The following PTPRZ1 variants were observed in gnomAD, a reference collection of about 807,000 sequenced individuals.
The protein encoded by PTPRZ1 is receptor-type tyrosine-protein phosphatase zeta.
In PTPRZ1, 82 loss-of-function variants were observed where a neutral mutation model predicts 214.1. That is an observed-to-expected ratio of 0.38 (90% CI 0.32 to 0.46). PTPRZ1 has a LOEUF of 0.46. Ranked by LOEUF, PTPRZ1 falls within the 20% of genes least tolerant of loss-of-function variation. The pLI is 1.00. For missense variants in PTPRZ1, 2,603 were observed against 2,748.7 expected, an observed-to-expected ratio of 0.95 and a Z score of 1.19; for synonymous variants, 945 against 987.9, an observed-to-expected ratio of 0.96 and a Z score of 0.81.
At chr7:121,977,797 G>A (rs935117088) in intron 6 of PTPRZ1, among the ~76,000 whole-genome samples, 2 of 151,470 alleles carry the variant, frequency 1.3e-5, no homozygotes, top group Non-Finnish European at 2.9e-5. Context: ...CATTGAATGC[G>A]ATAAGTCACA....
intron 2 of PTPRZ1, among the ~76,000 whole-genome samples, chr7:121,941,359 T>C (rs796307642): frequency 6.6e-6 from 1 of 152,210 alleles, no homozygotes; most frequent in South Asian, 2.1e-4. Context: ...TTTGTGTTGT[T>C]TAAGTGATGT....
intron 1 of PTPRZ1, among the ~76,000 whole-genome samples, chr7:121,916,135 G>T (rs1356858462): frequency 1.3e-5 from 2 of 151,962 alleles, no homozygotes; most frequent in Non-Finnish European, 1.5e-5. Context: ...TTAACTGGGC[G>T]TCATGGTGTG....
chr7:121,897,937 T>G (rs2116247713), intron 1 of PTPRZ1, among the ~76,000 whole-genome samples: 1 of 152,312 alleles, frequency 6.6e-6, no homozygotes, highest in East Asian at 1.9e-4. Flanking sequence ...CCCTAAAACC[T>G]TATTATATCA....
At chr7:121,913,714 G>T (rs886917741) in intron 1 of PTPRZ1, among the ~76,000 whole-genome samples, 1 of 151,626 alleles carries the variant, frequency 6.6e-6, no homozygotes, top group Non-Finnish European at 1.5e-5. Context: ...TCTTACCTTA[G>T]CAGGTATGGG....
intron 12 of PTPRZ1, among the ~76,000 whole-genome samples, chr7:122,016,367 C>A (rs1798839581): frequency 6.6e-6 from 1 of 151,910 alleles, no homozygotes. Context: ...CTCATATATA[C>A]TACTGAGCCA....
chr7:122,005,487 A>G (rs529975039), intron 11 of PTPRZ1, among the ~76,000 whole-genome samples: 1 of 152,066 alleles, frequency 6.6e-6, no homozygotes, highest in South Asian at 2.1e-4. Context: ...GGTATAAACT[A>G]TCTTGATATT....
chr7:121,936,343 T>G (rs1265563836), intron 2 of PTPRZ1, among the ~76,000 whole-genome samples: 1 of 152,284 alleles, frequency 6.6e-6, no homozygotes, highest in Non-Finnish European at 1.5e-5. Context: ...TTAGGGATTT[T>G]ATTTCCTTTA....
chr7:121,914,237 A>G (rs1795355902), intron 1 of PTPRZ1, among the ~76,000 whole-genome samples: 1 of 150,438 alleles, frequency 6.6e-6, no homozygotes, highest in Non-Finnish European at 1.5e-5. Flanking sequence ...ATAGGTGTTT[A>G]CCACTGTCTT....
chr7:121,967,973 G>T lies in PTPRZ1; in HGVS notation c.147G>T (p.Trp49Cys). 1 of 1,580,704 alleles carries T rather than the reference G, an allele frequency of 6.3e-7. No homozygotes were observed. The highest frequency in any genetic ancestry group is 1.2e-5 in the South Asian group (1 of 86,558). Reference protein sequence around the residue: ...SYTGALNQKNWGKKYPTCNSP... With the variant: ...SYTGALNQKNCGKKYPTCNSP... ...TAGGAGCACTGAATCAAAAAAATTG[G>T]GGAAAGAAATATCCAACATGTAATA... The change falls in exon 3 of 30, where the codon TGG becomes TGT. Residue 49 changes from tryptophan (W) to cysteine (C), a missense_variant. Around this residue, in one of 6 missense-constraint regions of PTPRZ1, gnomAD observed 141 missense variants for 143.7 expected, o/e 0.98. Coordinates refer to ENST00000393386, the MANE Select transcript of PTPRZ1 (RefSeq NM_002851.3).
At chr7:122,028,733 C>T in intron 14 of PTPRZ1, 90 bp downstream of exon 14, 1 of 975,718 alleles carries the variant, frequency 1.0e-6, no homozygotes, top group Non-Finnish European at 1.6e-6. Context: ...GGACACTATG[C>T]AAATTGCTAT....
chr7:122,026,716 A>G (rs1799216085), intron 13 of PTPRZ1, among the ~76,000 whole-genome samples: 1 of 152,176 alleles, frequency 6.6e-6, no homozygotes, highest in African/African-American at 2.4e-5. Flanking sequence ...TTCTCTCAAT[A>G]TATCTTCTCT....
At chr7:121,961,599 C>G (rs1242449517) in intron 2 of PTPRZ1, among the ~76,000 whole-genome samples, 1 of 152,210 alleles carries the variant, frequency 6.6e-6, no homozygotes, top group Non-Finnish European at 1.5e-5. Flanking sequence ...TGAACTCATG[C>G]GTATCCCCTG....
intron 8 of PTPRZ1, among the ~76,000 whole-genome samples, chr7:121,988,172 A>G (rs998026248): frequency 2.6e-5 from 4 of 152,250 alleles, no homozygotes; most frequent in African/African-American, 9.6e-5. Context: ...TAAAAGTTGA[A>G]GTAAAAATAA....
At chr7:121,953,581 G>A (rs569977280) in intron 2 of PTPRZ1, among the ~76,000 whole-genome samples, 1 of 152,242 alleles carries the variant, frequency 6.6e-6, no homozygotes, top group African/African-American at 2.4e-5. Context: ...CTTTTCTCTT[G>A]TACAGAATCA....
chr7:122,001,243 T>C (rs1251996575), intron 10 of PTPRZ1, among the ~76,000 whole-genome samples: 2 of 152,156 alleles, frequency 1.3e-5, no homozygotes, highest in African/African-American at 2.4e-5. Context: ...GCCTTTTTAA[T>C]GTTAAAAAGG....
rs199595173 is a variant in PTPRZ1 at position 122,010,409 on chromosome 7, A to C, written c.1363A>C (p.Arg455=). ...PGRDSATNQI[R]KKEPQISTTT... is the part of the protein sequence containing the mutation. ...TAGAGACAGTGCTACAAACCAAATC[A>C]GGAAAAAGGAACCCCAGATTTCTAC... Residue 455 remains arginine (R), a synonymous_variant, in exon 12 of 30, where the codon AGG becomes CGG. Transcript: ENST00000393386. 1.5e-4 allele frequency: 242 copies of C among 1,614,086 alleles called. No homozygotes were observed. The South Asian group carries it at 2.5e-3, about 16-fold the overall frequency.
At chr7:122,016,126 C>A (rs1798833606) in intron 12 of PTPRZ1, among the ~76,000 whole-genome samples, 1 of 151,724 alleles carries the variant, frequency 6.6e-6, no homozygotes, top group Non-Finnish European at 1.5e-5. Flanking sequence ...CACTGACACC[C>A]AAAGATACTA....
At chr7:121,879,298 C>T (rs960824139) in intron 1 of PTPRZ1, among the ~76,000 whole-genome samples, 1 of 152,154 alleles carries the variant, frequency 6.6e-6, no homozygotes, top group African/African-American at 2.4e-5. Context: ...TAGTGTGCCA[C>T]TTTGTATGTG....
chr7:121,938,549 G>A (rs1796154104), intron 2 of PTPRZ1, among the ~76,000 whole-genome samples: 1 of 152,142 alleles, frequency 6.6e-6, no homozygotes, highest in Non-Finnish European at 1.5e-5. Flanking sequence ...ATAGAAATTG[G>A]GAGAGTGGAG....
Sources: allele counts gnomAD v4.1 joint callset (sites outside exome capture counted in the v4.1 genomes callset), GRCh38; gene constraint gnomAD v4.1.1; regional missense constraint gnomAD v4.1.1; transcripts MANE v1.5; gene names NCBI Gene and HGNC (gene_info 2026-07-23, HGNC 2026-07-21).